The following THEMIS variants were observed in gnomAD, a reference collection of about 807,000 sequenced individuals.
THEMIS encodes the protein thymocyte selection associated.
A neutral mutation model predicts 52.6 loss-of-function variants in THEMIS; 37 were observed. The observed-to-expected ratio is 0.70, with a 90% confidence interval of 0.54 to 0.93. The LOEUF is 0.93. Ranked by LOEUF, THEMIS falls within the 40% of genes least tolerant of loss-of-function variation. The pLI, the probability that THEMIS is intolerant of heterozygous loss-of-function variation, is 0.00. For synonymous variants in THEMIS, 292 were observed against 272.7 expected (o/e 1.07, Z -0.70); for missense variants, 808 against 763.1 (o/e 1.06, Z -0.69).
chr6:127,905,002 A>G (rs990432698), upstream of THEMIS, among the ~76,000 whole-genome samples: 1 of 152,036 alleles, frequency 6.6e-6, no homozygotes, highest in African/African-American at 2.4e-5. Context: ...GCAGAGAGAT[A>G]TTTCAGCCAT....
the THEMIS span, among the ~76,000 whole-genome samples, chr6:127,701,421 G>A: frequency 6.6e-6 from 1 of 152,018 alleles, no homozygotes; most frequent in Non-Finnish European, 1.5e-5. Flanking sequence ...ACACTACAAT[G>A]TGTTTGCCTA....
chr6:127,848,697 A>G (rs1779310820), intron 2 of THEMIS, among the ~76,000 whole-genome samples: 1 of 152,234 alleles, frequency 6.6e-6, no homozygotes, highest in East Asian at 1.9e-4. Context: ...ATTTTTTCAC[A>G]TGTCTGTTGA....
At chr6:127,829,374 T>C (rs1373092843) in intron 3 of THEMIS, 102 bp downstream of exon 3, 5 of 933,890 alleles carry the variant, frequency 5.4e-6, no homozygotes, top group Middle Eastern at 4.7e-4. Flanking sequence ...GGCTCAATAG[T>C]TGAAATAAAG....
At chr6:127,853,272 G>A (rs557863148) in intron 2 of THEMIS, among the ~76,000 whole-genome samples, 31 of 151,708 alleles carry the variant, frequency 2.0e-4, no homozygotes, top group African/African-American at 7.2e-4. Flanking sequence ...AAAGGGAATT[G>A]TTACATCTAA....
At chr6:127,703,517 A>G (rs1030326961), downstream of THEMIS, among the ~76,000 whole-genome samples, 3 of 152,146 alleles carry the variant, frequency 2.0e-5, no homozygotes, top group East Asian at 1.9e-4. Flanking sequence ...TGTGTACCCA[A>G]TCATTGCACT....
chr6:127,847,315 A>T lies in THEMIS; in HGVS notation c.250+7715T>A, dbSNP rs543138577. ...TAGACCAGAGAAAGAAATAAAGGGC[A>T]TCCAAATTGGAAAAGAGGAAGTCAA... On this transcript the variant is annotated intron_variant, in intron 2 of 5. Coordinates refer to ENST00000368248, the MANE Select transcript of THEMIS (RefSeq NM_001010923.3). Among the ~76,000 whole-genome samples the T allele has an allele frequency of 5.3e-5, 8 of 152,130 alleles. No homozygotes were observed. In the South Asian group the frequency reaches 1.7e-3, roughly 32 times the overall value.
chr6:127,890,130 A>G (rs917864670), intron 1 of THEMIS, among the ~76,000 whole-genome samples: 2 of 152,154 alleles, frequency 1.3e-5, no homozygotes, highest in Admixed American at 6.6e-5. Context: ...CTGCTGTATG[A>G]GTAGATTACA....
intron 1 of THEMIS, among the ~76,000 whole-genome samples, chr6:127,909,275 T>G (rs1402078345): frequency 6.6e-6 from 1 of 152,114 alleles, no homozygotes; most frequent in Non-Finnish European, 1.5e-5. Flanking sequence ...GTGATATGGT[T>G]TGATTCTGTG....
At chr6:127,761,487 C>T (rs1276250946) in intron 4 of THEMIS, among the ~76,000 whole-genome samples, 1 of 152,112 alleles carries the variant, frequency 6.6e-6, no homozygotes, top group Non-Finnish European at 1.5e-5. Context: ...ACAGTTACCC[C>T]TTCCTCATTT....
At chr6:127,842,379 G>T (rs1779078495) in intron 2 of THEMIS, among the ~76,000 whole-genome samples, 1 of 151,884 alleles carries the variant, frequency 6.6e-6, no homozygotes, top group Non-Finnish European at 1.5e-5. Context: ...TCACATATTT[G>T]GTACCCAGGC....
At chr6:127,869,125 C>A (rs1019407934) in intron 1 of THEMIS, among the ~76,000 whole-genome samples, 6 of 152,088 alleles carry the variant, frequency 3.9e-5, no homozygotes, top group African/African-American at 1.2e-4. Context: ...ATTTATTAAA[C>A]TATTCAATGA....
chr6:127,906,953 C>CA (rs200672377), intron 1 of THEMIS, among the ~76,000 whole-genome samples: 7,215 of 140,736 alleles, frequency 0.051, 359 homozygotes, highest in African/African-American at 0.15. Context: ...TGTTAAAAAA[C>CA]AAAAAAAAAA....
At chr6:127,703,459 G>A (rs374668793), downstream of THEMIS, among the ~76,000 whole-genome samples, 6 of 152,272 alleles carry the variant, frequency 3.9e-5, 1 homozygote, top group Admixed American at 2.0e-4. Context: ...CAAGTACTAT[G>A]TGGGGCAAGA....
At chr6:127,878,577 A>G (rs1182561937) in intron 1 of THEMIS, among the ~76,000 whole-genome samples, 1 of 152,220 alleles carries the variant, frequency 6.6e-6, no homozygotes, top group African/African-American at 2.4e-5. Flanking sequence ...GAAGGCTATG[A>G]GTATCGACCA....
At chr6:127,860,092 C>T (rs1050819298) in intron 1 of THEMIS, among the ~76,000 whole-genome samples, 4 of 152,014 alleles carry the variant, frequency 2.6e-5, no homozygotes, top group African/African-American at 4.8e-5. Context: ...TCTAGATAGG[C>T]GACCACAGGA....
At chr6:127,815,902 A>G (rs1255553693) in intron 3 of THEMIS, among the ~76,000 whole-genome samples, 1 of 152,134 alleles carries the variant, frequency 6.6e-6, no homozygotes, top group Non-Finnish European at 1.5e-5. Context: ...CTAGATCCCA[A>G]TCTGTCTTTG....
chr6:127,837,714 G>A (rs954398070), intron 2 of THEMIS, among the ~76,000 whole-genome samples: 2 of 151,862 alleles, frequency 1.3e-5, no homozygotes, highest in Non-Finnish European at 2.9e-5. Flanking sequence ...TGAAACAGCT[G>A]CTTTTAAAAT....
At chr6:127,907,337 A>ATTTTTTGTTTTTTTTTTT (rs1781297928) in intron 1 of THEMIS, among the ~76,000 whole-genome samples, 2 of 49,446 alleles carry the variant, frequency 4.0e-5, no homozygotes, top group African/African-American at 7.8e-5. Flanking sequence ...TTAGGCTCGG[A>ATTTTTTGTTTTTTTTTTT]TTTTTTTTTT....
intron 4 of THEMIS, among the ~76,000 whole-genome samples, chr6:127,770,983 T>C (rs537958323): frequency 1.3e-5 from 2 of 152,262 alleles, no homozygotes; most frequent in Admixed American, 6.5e-5. Context: ...AGTCAAATTG[T>C]CCCTGTTTGT....
Sources: gnomAD v4.1 joint callset for allele counts (sites outside exome capture counted in the v4.1 genomes callset) on GRCh38, gnomAD v4.1.1 for gene constraint, MANE v1.5 for transcripts, NCBI Gene and HGNC (gene_info 2026-07-23, HGNC 2026-07-21) for gene names.